ADGRL4: variants seen among roughly 807,000 people sequenced by gnomAD.
ADGRL4 encodes the protein adhesion G protein-coupled receptor L4.
Under a neutral mutation model 74.8 loss-of-function variants are expected in ADGRL4, and 90 were observed. The observed-to-expected ratio is 1.20, with a 90% CI of 1.02 to 1.43. The LOEUF (loss-of-function observed/expected upper bound fraction) is 1.43. Ranked by LOEUF, ADGRL4 falls within the 40% of genes most tolerant of loss-of-function variation. ADGRL4 has a pLI of 0.00. For synonymous variants in ADGRL4, 311 were observed against 279.2 expected (o/e 1.11, Z -1.14); for missense variants, 881 against 814.3 (o/e 1.08, Z -1.00).
intron 12 of ADGRL4, among the ~76,000 whole-genome samples, chr1:78,897,021 T>G (rs1453612108): frequency 2.0e-5 from 3 of 152,064 alleles, no homozygotes; most frequent in Non-Finnish European, 4.4e-5. Flanking sequence ...GCCTACATAC[T>G]CCCTGCCATG....
chr1:78,944,982 C>T (rs1206719765), intron 3 of ADGRL4, among the ~76,000 whole-genome samples: 2 of 151,672 alleles, frequency 1.3e-5, no homozygotes, highest in East Asian at 2.0e-4. Context: ...CTGGGCAACA[C>T]GGTAAAACCC....
chr1:78,903,743 G>A lies in ADGRL4; in HGVS notation c.1750-10554C>T, dbSNP rs368313320. 3.9e-5 allele frequency among the ~76,000 whole-genome samples: 6 copies of A among 151,928 alleles called. 1 individual carries two copies. Among genetic ancestry groups the A allele is most frequent in the African/African-American group, 1.4e-4 (6 of 41,456 alleles). The stretch of plus-strand genomic sequence containing the variant: ...GAGGTCAAGAGATTGAGACCATCTT[G>A]GCCAACATGGTGAAACTCCCTCTCT... On this transcript the variant is annotated intron_variant, in intron 12 of 14. Coordinates refer to ENST00000370742, the MANE Select transcript of ADGRL4 (RefSeq NM_022159.4).
chr1:78,923,511 G>A (rs1649043715), intron 8 of ADGRL4, among the ~76,000 whole-genome samples: 1 of 151,970 alleles, frequency 6.6e-6, no homozygotes, highest in Admixed American at 6.6e-5. Flanking sequence ...ATTATTAAAT[G>A]TGAATGGGTG....
chr1:78,955,638 T>C (rs1437936152), intron 2 of ADGRL4, among the ~76,000 whole-genome samples: 1 of 152,112 alleles, frequency 6.6e-6, no homozygotes, highest in Admixed American at 6.6e-5. Context: ...ATTATTTTCC[T>C]AAAATGAGTA....
intron 8 of ADGRL4, among the ~76,000 whole-genome samples, chr1:78,923,072 A>C (rs1649035525): frequency 6.6e-6 from 1 of 151,918 alleles, no homozygotes; most frequent in African/African-American, 2.4e-5. Flanking sequence ...TTAAAATTGG[A>C]GAGATTGCTA....
chr1:78,898,389 C>T (rs901246420), intron 12 of ADGRL4, among the ~76,000 whole-genome samples: 8 of 152,086 alleles, frequency 5.3e-5, no homozygotes, highest in African/African-American at 1.9e-4. Flanking sequence ...TAGTGCATAT[C>T]TGTGTGTGCT....
At chr1:79,005,728 G>C (rs1406375647) in intron 1 of ADGRL4, among the ~76,000 whole-genome samples, 1 of 151,900 alleles carries the variant, frequency 6.6e-6, no homozygotes, top group African/African-American at 2.4e-5. Context: ...TTTTTTCTGT[G>C]TTCTAATGAT....
chr1:78,969,719 T>C (rs1206604804), intron 2 of ADGRL4, among the ~76,000 whole-genome samples: 1 of 151,928 alleles, frequency 6.6e-6, no homozygotes, highest in African/African-American at 2.4e-5. Flanking sequence ...TTTTTTTTTT[T>C]TTTAACAAAA....
At chr1:79,003,050 C>T (rs984658501) in intron 2 of ADGRL4, among the ~76,000 whole-genome samples, 5 of 151,932 alleles carry the variant, frequency 3.3e-5, no homozygotes, top group Non-Finnish European at 5.9e-5. Context: ...AATTCGATTC[C>T]TCAAGAAATA....
At chr1:78,940,581 T>A (rs1031168053) in intron 3 of ADGRL4, among the ~76,000 whole-genome samples, 6 of 152,122 alleles carry the variant, frequency 3.9e-5, no homozygotes, top group African/African-American at 1.4e-4. Context: ...CTGAGGAGTC[T>A]AGATCATTAC....
chr1:78,947,800 A>C lies in ADGRL4; in HGVS notation c.173-1374T>G, dbSNP rs570234186. 2.6e-5 allele frequency among the ~76,000 whole-genome samples: 4 copies of C among 152,318 alleles called. No individual in the cohort carries two copies. In the South Asian group the frequency reaches 8.3e-4, roughly 32 times the overall value. On this transcript the variant is annotated intron_variant, in intron 2 of 14. Coordinates refer to ENST00000370742, the MANE Select transcript of ADGRL4 (RefSeq NM_022159.4). ...GAGCACAGAGAGAAATCACAGGAGA[A>C]TCATAAAAACAAGTCAGGTTTGAAA...
chr1:78,966,269 C>T (rs1046239533), intron 2 of ADGRL4, among the ~76,000 whole-genome samples: 2 of 152,156 alleles, frequency 1.3e-5, no homozygotes, highest in African/African-American at 4.8e-5. Context: ...CGGGGAAGCA[C>T]ACTAGCAGGA....
At chr1:78,976,144 T>A (rs957360795) in intron 2 of ADGRL4, among the ~76,000 whole-genome samples, 8 of 151,504 alleles carry the variant, frequency 5.3e-5, no homozygotes, top group Non-Finnish European at 1.0e-4. Flanking sequence ...GTGACTAGAG[T>A]TTACAGGACA....
chr1:79,006,726 G>T lies in ADGRL4; in HGVS notation c.-72C>A. 2 of 1,389,648 alleles carry T rather than the reference G, an allele frequency of 1.4e-6. No individual in the cohort carries two copies. The highest frequency in any genetic ancestry group is 1.9e-6 in the Non-Finnish European group (2 of 1,069,864). 86.1% of individuals were successfully genotyped at this position (1,389,648 alleles called of 1,614,324 possible). On this transcript the variant is annotated 5_prime_UTR_variant, in exon 1 of 15. Transcript: ENST00000370742. ...AGTGCGGCTGTGGACCCGGGACCGG[G>T]CGCCGCTGGGCGGGCGCGGCAGGGT...
Position 78,915,163 on chromosome 1 carries a change from A to G in ADGRL4, c.1749+2471T>C, listed in dbSNP as rs547678096. 3.3e-4 allele frequency among the ~76,000 whole-genome samples: 50 copies of G among 151,944 alleles called. 1 individual carries two copies. The highest frequency in any genetic ancestry group is 1.2e-3 in the African/African-American group (48 of 41,504). Reference sequence around the variant, plus strand: ...TCTTTGAGTTTCACCCTATCATTTTATTACTAGGGACACTGTATAATAATC... The same window carrying G: ...TCTTTGAGTTTCACCCTATCATTTTGTTACTAGGGACACTGTATAATAATC... On this transcript the variant is annotated intron_variant, in intron 12 of 14. Coordinates refer to ENST00000370742, the MANE Select transcript of ADGRL4 (RefSeq NM_022159.4).
At chr1:79,005,682 T>C (rs914340669) in intron 1 of ADGRL4, among the ~76,000 whole-genome samples, 6 of 152,244 alleles carry the variant, frequency 3.9e-5, no homozygotes, top group Admixed American at 2.0e-4. Context: ...TATTTTAAGA[T>C]GACATCTTAT....
chr1:78,982,342 G>C (rs146515091), intron 2 of ADGRL4, among the ~76,000 whole-genome samples: 1 of 151,968 alleles, frequency 6.6e-6, no homozygotes, highest in Non-Finnish European at 1.5e-5. Context: ...GAAATGAGCT[G>C]ATAATAGATC....
chr1:78,913,029 T>G lies in ADGRL4; in HGVS notation c.1749+4605A>C, dbSNP rs142054143. ...GACATACACATGGCCAACAAGCATATGAAAAAATGTTCACTGTCACTAATC... is the reference window on the plus strand; with the variant it reads ...GACATACACATGGCCAACAAGCATAGGAAAAAATGTTCACTGTCACTAATC... On this transcript the variant is annotated intron_variant, in intron 12 of 14. Transcript: ENST00000370742. Among the ~76,000 whole-genome samples the G allele has an allele frequency of 2.0e-3, 302 of 151,874 alleles. 2 individuals carry two copies. The highest frequency in any genetic ancestry group is 6.9e-3 in the African/African-American group (287 of 41,472).
intron 3 of ADGRL4, among the ~76,000 whole-genome samples, chr1:78,941,371 A>G (rs1649476225): frequency 6.6e-6 from 1 of 152,204 alleles, no homozygotes; most frequent in Non-Finnish European, 1.5e-5. Context: ...ATGAAATGTT[A>G]TACTCCAACT....
Sources: gnomAD v4.1 joint callset for allele counts (sites outside exome capture counted in the v4.1 genomes callset) on GRCh38, gnomAD v4.1.1 for gene constraint, MANE v1.5 for transcripts, NCBI Gene and HGNC (gene_info 2026-07-23, HGNC 2026-07-21) for gene names.